Variants in GRB2 observed in about 807,000 individuals in gnomAD.
The protein encoded by GRB2 is growth factor receptor bound protein 2.
Under a neutral mutation model 27.4 loss-of-function variants are expected in GRB2, and 2 were observed. The ratio of observed to expected loss-of-function variants is 0.07; its 90% CI spans 0.03 to 0.23. GRB2 has a LOEUF of 0.23. Ranked by LOEUF, GRB2 falls within the 10% of genes least tolerant of loss-of-function variation. The probability of loss-of-function intolerance (pLI) is 1.00; values close to 1 mark genes in which losing one functional copy is unlikely to be tolerated. For missense variants in GRB2, 102 were observed against 282.4 expected, an observed-to-expected ratio of 0.36 and a Z score of 4.58; for synonymous variants, 94 against 99.6, an observed-to-expected ratio of 0.94 and a Z score of 0.33.
chr17:75,363,709 A>T (rs1238446414), intron 2 of GRB2, among the ~76,000 whole-genome samples: 1 of 151,778 alleles, frequency 6.6e-6, no homozygotes, highest in Non-Finnish European at 1.5e-5. Flanking sequence ...AATACAAAAA[A>T]ATTAGCCGGG....
At chr17:75,348,014 A>T (rs1457194516) in intron 2 of GRB2, among the ~76,000 whole-genome samples, 2 of 152,212 alleles carry the variant, frequency 1.3e-5, no homozygotes, top group Non-Finnish European at 2.9e-5. Context: ...AAAACTATAA[A>T]AGAGCCAAAC....
chr17:75,403,059 G>A (rs1419790625), intron 1 of GRB2, among the ~76,000 whole-genome samples: 2 of 65,582 alleles, frequency 3.0e-5, no homozygotes, highest in African/African-American at 1.1e-4. Flanking sequence ...TGGGCAACAA[G>A]AGCGAGAATC....
Position 75,354,782 on chromosome 17 carries a change from T to C in GRB2, c.79-21985A>G, listed in dbSNP as rs539210690. Among the ~76,000 whole-genome samples the C allele has an allele frequency of 6.1e-4, 93 of 152,316 alleles. 1 individual carries two copies. In the South Asian group the frequency reaches 0.013, roughly 21 times the overall value. On this transcript the variant is annotated intron_variant, in intron 2 of 5. Transcript: ENST00000316804. ...AGAAGAAAAGACACTACGAAATGTT[T>C]TTTAAAAAGGAAAAACTTAACTTCT...
At position 75,354,264 on chromosome 17, in the gene GRB2, T is replaced by TTGGGGGG. The variant is rs1555610715; in HGVS notation, c.79-21468_79-21467insCCCCCCA. Among the ~76,000 whole-genome samples, 103 of 38,166 alleles carry TTGGGGGG rather than the reference T, an allele frequency of 2.7e-3. 8 individuals are homozygous for TTGGGGGG. Among genetic ancestry groups the TTGGGGGG allele is most frequent in the South Asian group, 6.0e-3 (6 of 1,006 alleles). 25.0% of individuals were successfully genotyped at this position (38,166 alleles called of 152,430 possible). ...AAAGTTTATTCATGGTCTTTTTTTT[T>TTGGGGGG]GGGGGGGGGGGGGAGATGGAGTTTC... On this transcript the variant is annotated intron_variant, in intron 2 of 5. Transcript: ENST00000316804.
chr17:75,356,028 G>A (rs2145843971), intron 2 of GRB2, among the ~76,000 whole-genome samples: 1 of 151,666 alleles, frequency 6.6e-6, no homozygotes, highest in Admixed American at 6.6e-5. Context: ...GAATCAGGGT[G>A]TCACCATGTT....
chr17:75,353,129 G>A (rs1278685157), intron 2 of GRB2, among the ~76,000 whole-genome samples: 4 of 149,522 alleles, frequency 2.7e-5, no homozygotes, highest in Non-Finnish European at 5.9e-5. Flanking sequence ...AGCTTGCAGT[G>A]AGCCGAGATC....
At chr17:75,340,395 C>T (rs543289786) in intron 2 of GRB2, among the ~76,000 whole-genome samples, 2 of 152,348 alleles carry the variant, frequency 1.3e-5, no homozygotes, top group South Asian at 4.1e-4. Context: ...ACTAGTCTAA[C>T]TCTTGAGTAT....
intron 2 of GRB2, among the ~76,000 whole-genome samples, chr17:75,389,389 A>G (rs1157789359): frequency 1.3e-5 from 2 of 152,172 alleles, no homozygotes; most frequent in South Asian, 2.1e-4. Flanking sequence ...CGACTCTAGC[A>G]GTTACAGTGT....
rs2079010179 is a variant in GRB2, at chr17:75,393,396, C to T, written c.78+155G>A. On this transcript the variant is annotated intron_variant, in intron 2 of 5. Coordinates refer to ENST00000316804, the MANE Select transcript of GRB2 (RefSeq NM_002086.5). ...ACTCACTTAAGTCATATTTAATATT[C>T]TACTCAGCATCTAAAGCTCTCCAGA... is the stretch of plus-strand genomic sequence containing the variant. The T allele has an allele frequency of 8.8e-6, 6 of 679,058 alleles. No individual in the cohort carries two copies. The East Asian group carries it at 1.0e-4, about 12-fold the overall frequency. 42.1% of individuals were successfully genotyped at this position (679,058 alleles called of 1,614,324 possible).
intron 2 of GRB2, among the ~76,000 whole-genome samples, chr17:75,337,892 CTACTACTACTATTATTATTATTAT>C (rs1349251271): frequency 7.8e-6 from 1 of 127,648 alleles, no homozygotes; most frequent in African/African-American, 3.1e-5. Context: ...ACTACTACTA[CTACTACTACTATTATTATTATTAT>C]TATTATTATT....
intron 2 of GRB2, among the ~76,000 whole-genome samples, chr17:75,358,550 G>A (rs181231700): frequency 2.0e-5 from 3 of 151,938 alleles, no homozygotes; most frequent in Non-Finnish European, 4.4e-5. Context: ...CACTGACAGA[G>A]CTGTCATTAA....
chr17:75,340,772 A>C (rs767208285), intron 2 of GRB2, among the ~76,000 whole-genome samples: 6 of 152,242 alleles, frequency 3.9e-5, no homozygotes, highest in Non-Finnish European at 8.8e-5. Flanking sequence ...CATCTGTTAC[A>C]GTTTTTCTGC....
chr17:75,378,997 C>T (rs193044005), intron 2 of GRB2, among the ~76,000 whole-genome samples: 1 of 152,230 alleles, frequency 6.6e-6, no homozygotes, highest in African/African-American at 2.4e-5. Flanking sequence ...CACAGAAATC[C>T]TCTGAGCTAC....
At position 75,334,681 on chromosome 17, in the gene GRB2, TG is replaced by T. The variant is rs1452885159; in HGVS notation, c.79-1885del. Among the ~76,000 whole-genome samples the T allele has an allele frequency of 3.3e-5, 5 of 152,286 alleles. No individual in the cohort carries two copies. The East Asian group carries it at 9.6e-4, about 29-fold the overall frequency. ...CAGGCCAGGTGTGCTGGCTCAAACC[TG>T]TAATCCTGGCAGTTTGGAAGGCTAA... On this transcript the variant is annotated intron_variant, in intron 2 of 5. Coordinates refer to ENST00000316804, the MANE Select transcript of GRB2 (RefSeq NM_002086.5).
intron 2 of GRB2, among the ~76,000 whole-genome samples, chr17:75,358,864 C>T (rs2078754888): frequency 8.8e-6 from 1 of 113,444 alleles, no homozygotes; most frequent in Non-Finnish European, 1.7e-5. Context: ...AGCATGGCGA[C>T]AGGGCAAGAC....
At chr17:75,374,486 T>C (rs1326349166) in intron 2 of GRB2, among the ~76,000 whole-genome samples, 1 of 151,996 alleles carries the variant, frequency 6.6e-6, no homozygotes, top group Non-Finnish European at 1.5e-5. Context: ...TCCCAGCATT[T>C]TGGGAGGCCA....
At chr17:75,391,097 C>T (rs2078995387) in intron 2 of GRB2, among the ~76,000 whole-genome samples, 1 of 152,072 alleles carries the variant, frequency 6.6e-6, no homozygotes, top group African/African-American at 2.4e-5. Flanking sequence ...AGCCATTTCA[C>T]ACAGTTATGA....
intron 2 of GRB2, among the ~76,000 whole-genome samples, chr17:75,377,284 G>A (rs944294123): frequency 4.6e-5 from 7 of 152,074 alleles, no homozygotes; most frequent in Admixed American, 1.3e-4. Flanking sequence ...TGGGGCCACC[G>A]TACTCCAGCC....
chr17:75,400,815 C>T (rs1402079929), intron 1 of GRB2, among the ~76,000 whole-genome samples: 3 of 152,114 alleles, frequency 2.0e-5, no homozygotes, highest in African/African-American at 7.2e-5. Context: ...CCAATACATA[C>T]TCTTGACCAA....
Sources: allele counts gnomAD v4.1 joint callset (sites outside exome capture counted in the v4.1 genomes callset), GRCh38; gene constraint gnomAD v4.1.1; transcripts MANE v1.5; gene names NCBI Gene and HGNC (gene_info 2026-07-23, HGNC 2026-07-21).